Variants in NFYB observed in about 807,000 individuals in gnomAD.
The protein encoded by NFYB is nuclear transcription factor Y subunit beta, also known as CAAT box DNA-binding protein subunit B.
Under a neutral mutation model 28.0 loss-of-function variants are expected in NFYB, and 13 were observed. That is an observed-to-expected ratio of 0.46 (90% CI 0.30 to 0.74). NFYB has a LOEUF of 0.74. NFYB is among the 30% of genes least tolerant of loss of function. The pLI, the probability that NFYB is intolerant of heterozygous loss-of-function variation, is 0.07. For missense variants in NFYB, 142 were observed against 247.6 expected (o/e 0.57, Z 2.86); for synonymous variants, 74 against 75.0 (o/e 0.99, Z 0.07).
chr12:104,125,902 A>G (rs764059650), intron 4 of NFYB, among the ~76,000 whole-genome samples: 50 of 151,446 alleles, frequency 3.3e-4, no homozygotes, highest in Non-Finnish European at 5.9e-4. Context: ...ATCTGCCTCC[A>G]ATAAGTGGGA....
In NFYB at chr12:104,119,408, C is replaced by T. The variant is rs1273610696; in HGVS notation, c.*329G>A. ...CTTGAATTACAAAAGTAACATGATT[C>T]AATATGAAAATAAGAAACTGTCTAC... On this transcript the variant is annotated 3_prime_UTR_variant, in exon 8 of 8. Coordinates refer to ENST00000240055, the MANE Select transcript of NFYB (RefSeq NM_006166.4). 1 of 177,912 alleles carries T rather than the reference C, an allele frequency of 5.6e-6. No individual in the cohort carries two copies. The highest frequency in any genetic ancestry group is 1.4e-4 in the East Asian group (1 of 7,226). 11.0% of individuals were successfully genotyped at this position (177,912 alleles called of 1,614,324 possible). A position where few individuals can be genotyped will look rare whatever the true frequency, so the allele number is the denominator to read the frequency against.
chr12:104,128,002 C>T (rs1344275139), intron 3 of NFYB, among the ~76,000 whole-genome samples: 1 of 152,030 alleles, frequency 6.6e-6, no homozygotes, highest in Non-Finnish European at 1.5e-5. Flanking sequence ...CATTCTAATA[C>T]CTGACATAGT....
Position 104,120,430 on chromosome 12 carries a change from A to G in NFYB, c.561T>C (p.Asn187=). 1.2e-6 allele frequency: 2 copies of G among 1,613,872 alleles called. No individual in the cohort carries two copies. The highest frequency in any genetic ancestry group is 1.7e-6 in the Non-Finnish European group (2 of 1,179,950). Residue 187 remains asparagine, a synonymous_variant, in exon 7 of 8, where the codon AAT becomes AAC. Transcript: ENST00000240055. ...GATATGATGTTGTGTAAACCATAAC[A>G]TTTTGTTGTTGACCGTCTGTGGTTA... ...GLITTDGQQQ[N]VMVYTTSYQQ... is the part of the protein sequence containing the mutation.
rs2031068320 is a variant in NFYB at position 104,135,484 on chromosome 12, T to C, written c.-31A>G. On this transcript the variant is annotated 5_prime_UTR_variant, in exon 2 of 8. Coordinates refer to ENST00000240055, the MANE Select transcript of NFYB (RefSeq NM_006166.4). ...ACTGTCAGAACCGTGTTGTCAGTGG[T>C]GCTGAAGAACACCTATCTAAAAAGG... 7.0e-6 allele frequency: 11 copies of C among 1,569,762 alleles called. No individual in the cohort carries two copies. In the Admixed American group the frequency reaches 1.4e-4, roughly 19 times the overall value.
chr12:104,123,152 G>A, intron 5 of NFYB, 74 bp downstream of exon 5: 1 of 1,172,872 alleles, frequency 8.5e-7, no homozygotes, highest in Non-Finnish European at 1.2e-6. Flanking sequence ...CTCCAGCCTG[G>A]GCAACAGAGC....
rs1742847844 is a variant in NFYB at position 104,118,378 on chromosome 12, T to C, written c.*1359A>G. The C allele has an allele frequency of 6.6e-6, 1 of 152,632 alleles. No homozygotes were observed. The allele number at this position is 152,632 out of a possible 1,614,324, so 9.5% of individuals were successfully genotyped here. On this transcript the variant is annotated 3_prime_UTR_variant, in exon 8 of 8. Coordinates refer to ENST00000240055, the MANE Select transcript of NFYB (RefSeq NM_006166.4). ...TATTAACCTCTGATTAGCCCACATA[T>C]ACTCCTAAAGGCTCCTTCTGGCAAA...
At chr12:104,132,183 T>A (rs538011863) in intron 2 of NFYB, among the ~76,000 whole-genome samples, 1 of 152,254 alleles carries the variant, frequency 6.6e-6, no homozygotes, top group Non-Finnish European at 1.5e-5. Context: ...GTCTGAGGGG[T>A]CAAGAAAGGC....
At chr12:104,122,708 G>A (rs61019176) in intron 5 of NFYB, among the ~76,000 whole-genome samples, 2,820 of 152,238 alleles carry the variant, frequency 0.019, 33 homozygotes, top group African/African-American at 0.037. Context: ...ACCCCAGAGC[G>A]TGGAAAAATT....
intron 2 of NFYB, among the ~76,000 whole-genome samples, chr12:104,133,948 T>A (rs1412239620): frequency 6.6e-6 from 1 of 152,136 alleles, no homozygotes; most frequent in African/African-American, 2.4e-5. Flanking sequence ...CACCTCTTCA[T>A]TCCTATTTAA....
chr12:104,128,575 T>C (rs1593633016), intron 2 of NFYB, 58 bp from the exon 3 acceptor site: 3 of 1,165,084 alleles, frequency 2.6e-6, no homozygotes, highest in East Asian at 4.7e-5. Context: ...ACGTAACAGA[T>C]TCAACACTTA....
intron 1 of NFYB, among the ~76,000 whole-genome samples, 153 bp from the exon 2 acceptor site, chr12:104,135,685 G>A (rs555389837): frequency 6.6e-6 from 1 of 152,208 alleles, no homozygotes; most frequent in East Asian, 1.9e-4. Context: ...GTATAAAATA[G>A]TATAAAAAGG....
intron 2 of NFYB, chr12:104,131,792 A>G (rs2030934815): frequency 2.2e-6 from 1 of 455,982 alleles, no homozygotes. Context: ...GCTGTCAACA[A>G]CAGACAAGGT....
chr12:104,135,628 A>C (rs556000859), intron 1 of NFYB, 96 bp from the exon 2 acceptor site: 1 of 471,412 alleles, frequency 2.1e-6, no homozygotes, highest in South Asian at 5.1e-5. Context: ...AAAATTAAAG[A>C]GGGCTTGTAT....
At chr12:104,119,833 T>C (rs1020027445) in intron 7 of NFYB, 64 bp from the exon 8 acceptor site, 30 of 1,030,280 alleles carry the variant, frequency 2.9e-5, no homozygotes, top group Non-Finnish European at 3.9e-5. Flanking sequence ...ACCATATGCA[T>C]ATTATAAAAA....
rs2030463594 is a variant in NFYB, at chr12:104,121,293, C to T, written c.458G>A (p.Gly153Glu). Reference sequence around the variant, plus strand: ...TAGTCCATCTGTAGCTGTGACTGCTCCACCAATTCCCTTTTCTCCTTTCAT... The same window carrying T: ...TAGTCCATCTGTAGCTGTGACTGCTTCACCAATTCCCTTTTCTCCTTTCAT... The part of the protein sequence containing the change: ...EAMKGEKGIG[G>E]AVTATDGLSE... Residue 153 changes from glycine (G) to glutamate (E), a missense_variant, in exon 6 of 8, where the codon GGA (glycine) becomes GAA (glutamate). Gly to Glu is a moderately conservative substitution (Grantham distance 98). Around this residue, in one of 2 missense-constraint regions of NFYB, gnomAD observed 88 missense variants for 189.5 expected, o/e 0.46. Coordinates refer to ENST00000240055, the MANE Select transcript of NFYB (RefSeq NM_006166.4). The T allele has an allele frequency of 1.2e-6, 2 of 1,612,494 alleles. No homozygotes were observed. Among genetic ancestry groups the T allele is most frequent in the Non-Finnish European group, 1.7e-6 (2 of 1,179,588 alleles).
intron 2 of NFYB, among the ~76,000 whole-genome samples, chr12:104,129,424 T>G (rs192595087): frequency 5.3e-5 from 8 of 152,198 alleles, no homozygotes; most frequent in Non-Finnish European, 1.2e-4. Context: ...TGCTTTCTCA[T>G]AGAAGTTCCA....
chr12:104,131,888 G>A, intron 2 of NFYB: 1 of 395,960 alleles, frequency 2.5e-6, no homozygotes, highest in South Asian at 1.8e-5. Flanking sequence ...AGTCCTTCCA[G>A]GACACAGGCT....
intron 1 of NFYB, among the ~76,000 whole-genome samples, chr12:104,136,073 A>G (rs1471420238): frequency 6.6e-6 from 1 of 152,230 alleles, no homozygotes; most frequent in East Asian, 1.9e-4. Flanking sequence ...TGTAATGAAG[A>G]TACATTCTGC....
At chr12:104,126,608 A>G (rs1258155372) in intron 3 of NFYB, among the ~76,000 whole-genome samples, 1 of 152,108 alleles carries the variant, frequency 6.6e-6, no homozygotes, top group Non-Finnish European at 1.5e-5. Flanking sequence ...AATTTTTATT[A>G]TTCCTCATTT....
Sources: gnomAD v4.1 joint callset for allele counts (sites outside exome capture counted in the v4.1 genomes callset) on GRCh38, gnomAD v4.1.1 for gene constraint, gnomAD v4.1.1 regional missense constraint, MANE v1.5 for transcripts, NCBI Gene and HGNC (gene_info 2026-07-23, HGNC 2026-07-21) for gene names.